The following CNTNAP3B variants were observed in gnomAD, a reference collection of about 807,000 sequenced individuals.
CNTNAP3B encodes the protein contactin-associated protein-like 3B.
CNTNAP3B carries 25 observed loss-of-function variants against 108.9 expected under a neutral mutation model. That is an observed-to-expected ratio of 0.23 (90% CI 0.17 to 0.32). The LOEUF (loss-of-function observed/expected upper bound fraction) is 0.32, where lower values mean the gene tolerates loss of function less well. Among genes scored for constraint, CNTNAP3B ranks in the 10% least tolerant of loss-of-function variants. The probability of loss-of-function intolerance (pLI) is 1.00; values close to 1 mark genes in which losing one functional copy is unlikely to be tolerated. For missense variants in CNTNAP3B, 252 were observed against 1,210.4 expected, an observed-to-expected ratio of 0.21 and a Z score of 11.75; for synonymous variants, 103 against 473.4, an observed-to-expected ratio of 0.22 and a Z score of 10.16.
intron 11 of CNTNAP3B, among the ~76,000 whole-genome samples, chr9:41,963,264 G>A (rs1227764593): frequency 6.6e-6 from 1 of 152,260 alleles, no homozygotes; most frequent in Non-Finnish European, 1.5e-5. Context: ...GTGGAACTGA[G>A]GACTTTGCAT....
intron 14 of CNTNAP3B, among the ~76,000 whole-genome samples, chr9:41,932,386 A>T (rs1310912230): frequency 6.6e-6 from 1 of 151,948 alleles, no homozygotes; most frequent in East Asian, 1.9e-4. Context: ...AGGAAGTGTG[A>T]AAACTTCTAA....
chr9:41,952,230 G>A (rs1824711331), intron 13 of CNTNAP3B, among the ~76,000 whole-genome samples: 1 of 152,168 alleles, frequency 6.6e-6, no homozygotes, highest in Non-Finnish European at 1.5e-5. Flanking sequence ...GAAAATTTAA[G>A]AGTGAAATTT....
At chr9:42,128,100 G>T (rs1357427291) in intron 1 of CNTNAP3B, among the ~76,000 whole-genome samples, 1 of 137,952 alleles carries the variant, frequency 7.2e-6, no homozygotes, top group African/African-American at 2.9e-5. Context: ...TAATCTCATG[G>T]TTTCATTAAT....
chr9:41,947,821 G>A (rs1348928830), intron 13 of CNTNAP3B, among the ~76,000 whole-genome samples: 1 of 152,230 alleles, frequency 6.6e-6, no homozygotes, highest in African/African-American at 2.4e-5. Flanking sequence ...CTATGAATAT[G>A]AGAAATTTAA....
rs939220946 is a variant in CNTNAP3B, at chr9:42,069,166, TCAAATATTAC to T, written c.390+7693_390+7702del. ...AAGCCTACAGTTAAAAGCAAGTTGC[TCAAATATTAC>T]CAAATATTACCAATATTACCAATAA... On this transcript the variant is annotated intron_variant, in intron 3 of 23. Coordinates refer to ENST00000377561, the MANE Select transcript of CNTNAP3B (RefSeq NM_001201380.3). 4.8e-5 allele frequency among the ~76,000 whole-genome samples: 5 copies of T among 104,588 alleles called. 1 individual carries two copies. Among genetic ancestry groups the T allele is most frequent in the African/African-American group, 8.2e-5 (2 of 24,274 alleles). The allele number at this position is 104,588 out of a possible 152,430, so 68.6% of individuals were successfully genotyped here.
chr9:42,024,060 A>G (rs1415675456), intron 3 of CNTNAP3B, among the ~76,000 whole-genome samples: 1 of 148,666 alleles, frequency 6.7e-6, no homozygotes. Context: ...AATCACAAAC[A>G]TACTTATTTC....
intron 13 of CNTNAP3B, among the ~76,000 whole-genome samples, chr9:41,940,120 G>A (rs975635600): frequency 1.8e-4 from 28 of 152,398 alleles, no homozygotes; most frequent in African/African-American, 6.5e-4. Flanking sequence ...CTGAGCCATA[G>A]GGTCCTATCA....
chr9:42,003,245 C>G (rs1007445210), intron 4 of CNTNAP3B, among the ~76,000 whole-genome samples: 3 of 125,718 alleles, frequency 2.4e-5, no homozygotes, highest in Non-Finnish European at 3.3e-5. Context: ...CTCATTACTA[C>G]TTTTCTACTT....
chr9:42,117,891 A>AC (rs1358788843), intron 1 of CNTNAP3B, among the ~76,000 whole-genome samples: 1 of 139,626 alleles, frequency 7.2e-6, no homozygotes. Context: ...AGAGAATACT[A>AC]TAACACCTCT....
chr9:42,094,080 A>G (rs1201937843), intron 2 of CNTNAP3B, among the ~76,000 whole-genome samples: 1 of 137,194 alleles, frequency 7.3e-6, no homozygotes, highest in Admixed American at 7.3e-5. Context: ...GATGATTCCA[A>G]GCTTATCCCT....
At chr9:41,947,674 A>G in intron 13 of CNTNAP3B, among the ~76,000 whole-genome samples, 1 of 151,976 alleles carries the variant, frequency 6.6e-6, no homozygotes, top group Non-Finnish European at 1.5e-5. Context: ...GAAGGAGATA[A>G]CAAAGAGAAG....
At chr9:41,928,010 A>G (rs1823867147) in intron 15 of CNTNAP3B, among the ~76,000 whole-genome samples, 1 of 151,082 alleles carries the variant, frequency 6.6e-6, no homozygotes, top group African/African-American at 2.5e-5. Context: ...AGAGAACAGA[A>G]TATTTCGGTC....
intron 13 of CNTNAP3B, among the ~76,000 whole-genome samples, chr9:41,945,292 T>C (rs1180789166): frequency 6.6e-6 from 1 of 152,294 alleles, no homozygotes; most frequent in Non-Finnish European, 1.5e-5. Flanking sequence ...TTATAAATCA[T>C]GCTGCTATAA....
intron 15 of CNTNAP3B, among the ~76,000 whole-genome samples, chr9:41,928,644 C>T (rs963000305): frequency 6.6e-6 from 1 of 152,278 alleles, no homozygotes; most frequent in African/African-American, 2.4e-5. Flanking sequence ...TGAGGTAGAA[C>T]AGGAAATAAA....
chr9:41,941,086 G>A (rs1270187387), intron 13 of CNTNAP3B, among the ~76,000 whole-genome samples: 2 of 149,752 alleles, frequency 1.3e-5, no homozygotes, highest in Admixed American at 6.7e-5. Flanking sequence ...TTTAGAAGTG[G>A]GGAAGATAAA....
At chr9:42,041,617 G>A (rs1826756143) in intron 3 of CNTNAP3B, among the ~76,000 whole-genome samples, 1 of 144,526 alleles carries the variant, frequency 6.9e-6, no homozygotes, top group Non-Finnish European at 1.5e-5. Context: ...TGGAGAAATA[G>A]GACCACTTTT....
chr9:42,111,418 GAA>G (rs1828190453), intron 1 of CNTNAP3B, among the ~76,000 whole-genome samples: 1 of 139,148 alleles, frequency 7.2e-6, no homozygotes, highest in East Asian at 2.2e-4. Flanking sequence ...AGTATCTGTA[GAA>G]CTCAACATTG....
At chr9:42,117,439 A>G (rs1828344796) in intron 1 of CNTNAP3B, among the ~76,000 whole-genome samples, 2 of 139,614 alleles carry the variant, frequency 1.4e-5, no homozygotes, top group Non-Finnish European at 3.1e-5. Flanking sequence ...GGTACATAAC[A>G]AAATGAAGGC....
At chr9:41,968,863 T>C (rs1187343336) in intron 10 of CNTNAP3B, among the ~76,000 whole-genome samples, 1 of 151,084 alleles carries the variant, frequency 6.6e-6, no homozygotes, top group Non-Finnish European at 1.5e-5. Context: ...AGTGGCACTA[T>C]CTCATTCACT....
Sources: gnomAD v4.1 joint callset for allele counts (sites outside exome capture counted in the v4.1 genomes callset) on GRCh38, gnomAD v4.1.1 for gene constraint, MANE v1.5 for transcripts, NCBI Gene and HGNC (gene_info 2026-07-23, HGNC 2026-07-21) for gene names.